UROC1: variants seen among roughly 807,000 people sequenced by gnomAD.
The protein encoded by UROC1 is urocanate hydratase.
Under a neutral mutation model 89.5 loss-of-function variants are expected in UROC1, and 79 were observed. The observed-to-expected ratio is 0.88, with a 90% CI of 0.74 to 1.06. UROC1 has a LOEUF of 1.06. Ranked by LOEUF, UROC1 falls within the 50% of genes least tolerant of loss-of-function variation. UROC1 has a pLI of 0.00. For synonymous variants in UROC1, 361 were observed against 354.8 expected, an observed-to-expected ratio of 1.02 and a Z score of -0.20; for missense variants, 885 against 907.8, an observed-to-expected ratio of 0.97 and a Z score of 0.32.
chr3:126,492,796 G>A (rs1935686140), intron 15 of UROC1, among the ~76,000 whole-genome samples: 1 of 152,142 alleles, frequency 6.6e-6, no homozygotes, highest in Admixed American at 6.5e-5. Flanking sequence ...ATTATCCCCA[G>A]AGGGGCCTTG....
At chr3:126,491,865 T>A (rs1432153842) in intron 16 of UROC1, among the ~76,000 whole-genome samples, 1 of 152,168 alleles carries the variant, frequency 6.6e-6, no homozygotes, top group Non-Finnish European at 1.5e-5. Flanking sequence ...ACACACATGC[T>A]TTTTAGTCTC....
Position 126,482,302 on chromosome 3 carries a change from C to T in UROC1, c.*43G>A, listed in dbSNP as rs200508602. 6.8e-6 allele frequency: 11 copies of T among 1,607,644 alleles called. No individual in the cohort carries two copies. Among genetic ancestry groups the T allele is most frequent in the East Asian group, 4.5e-5 (2 of 44,794 alleles). On this transcript the variant is annotated 3_prime_UTR_variant, in exon 20 of 20. Coordinates refer to ENST00000290868, the MANE Select transcript of UROC1 (RefSeq NM_144639.3). ...GTGCCATGGCTGGGCAGGTGAGGATCGCCAGGGAGGAAGGGAGGCAGGGGC... is the reference window on the plus strand; with the variant it reads ...GTGCCATGGCTGGGCAGGTGAGGATTGCCAGGGAGGAAGGGAGGCAGGGGC...
chr3:126,493,929 C>T (rs867463672), intron 15 of UROC1, among the ~76,000 whole-genome samples: 4 of 152,172 alleles, frequency 2.6e-5, no homozygotes, highest in African/African-American at 7.2e-5. Context: ...TGCACCTGAC[C>T]GCAAGCTCAG....
Position 126,489,439 on chromosome 3 carries a change from G to A in UROC1, c.1609-64C>T, listed in dbSNP as rs1330411398. ...CCACCATGGCTTCCTGGTAAAGACT[G>A]AGGACAAGGGGCAGGTCACACCAGA... On this transcript the variant is annotated intron_variant, in intron 16 of 19. Transcript: ENST00000290868. The A allele has an allele frequency of 3.0e-6, 4 of 1,352,998 alleles. No individual in the cohort carries two copies. The African/African-American group carries it at 4.3e-5, about 14-fold the overall frequency. 83.8% of individuals were successfully genotyped at this position (1,352,998 alleles called of 1,614,324 possible).
At chr3:126,517,210 C>T (rs1487935666) in intron 1 of UROC1, among the ~76,000 whole-genome samples, 3 of 152,160 alleles carry the variant, frequency 2.0e-5, no homozygotes, top group Non-Finnish European at 4.4e-5. Flanking sequence ...GCGGGAGGGA[C>T]ATTTGCAAAT....
rs1376449720 is a variant in UROC1 at position 126,498,125 on chromosome 3, G to A, written c.1364C>T (p.Ser455Leu). ...GACCGCCAGGTCCTGGGGGTCCCCC[G>A]ATGTGCACACCCAGCGGAAAGGCCC... ...GFGPFRWVCT[S>L]GDPQDLAVTD... is the part of the protein sequence containing the mutation. Residue 455 changes from serine (S) to leucine (L), a missense_variant, in exon 14 of 20, where the codon TCG becomes TTG. Physicochemically the swap from Ser to Leu is moderately radical, Grantham distance 145. Transcript: ENST00000290868. 11 of 1,614,156 alleles carry A rather than the reference G, an allele frequency of 6.8e-6. No individual in the cohort carries two copies. The highest frequency in any genetic ancestry group is 1.1e-5 in the South Asian group (1 of 91,086).
chr3:126,484,211 A>ATGAGTT (rs1560114159), intron 18 of UROC1, among the ~76,000 whole-genome samples: 1 of 152,284 alleles, frequency 6.6e-6, no homozygotes, highest in East Asian at 1.9e-4. Context: ...TTCCTAGTAG[A>ATGAGTT]TGAGTTGAAC....
chr3:126,498,093 C>G lies in UROC1; in HGVS notation c.1396G>C (p.Glu466Gln), dbSNP rs748062132. 5.0e-6 allele frequency: 8 copies of G among 1,614,030 alleles called. No individual in the cohort carries two copies. Among genetic ancestry groups the G allele is most frequent in the Non-Finnish European group, 6.8e-6 (8 of 1,180,038 alleles). The change falls in exon 14 of 20, where the codon GAA becomes CAA. Residue 466 changes from glutamate (E) to glutamine (Q), a missense_variant. Glu to Gln is a conservative substitution (Grantham distance 29). Coordinates refer to ENST00000290868, the MANE Select transcript of UROC1 (RefSeq NM_144639.3). ...GDPQDLAVTDELATSVLEEAI... is the reference protein window; with the variant it reads ...GDPQDLAVTDQLATSVLEEAI... Reference sequence around the variant, plus strand: ...TCCTCCAGCACAGATGTGGCCAGTTCGTCTGTGACCGCCAGGTCCTGGGGG... The same window carrying G: ...TCCTCCAGCACAGATGTGGCCAGTTGGTCTGTGACCGCCAGGTCCTGGGGG...
intron 4 of UROC1, 37 bp downstream of exon 4, chr3:126,508,379 G>T: frequency 6.2e-7 from 1 of 1,606,120 alleles, no homozygotes. Flanking sequence ...TAGAGGAAAG[G>T]CCAGGGGTGG....
At chr3:126,506,114 C>G in intron 6 of UROC1, 103 bp from the exon 7 acceptor site, 3 of 1,225,474 alleles carry the variant, frequency 2.4e-6, no homozygotes, top group Non-Finnish European at 3.6e-6. Context: ...TTTAACTACC[C>G]AATAGGCATT....
intron 18 of UROC1, among the ~76,000 whole-genome samples, chr3:126,485,434 G>A (rs1935492034): frequency 6.6e-6 from 1 of 151,746 alleles, no homozygotes; most frequent in African/African-American, 2.4e-5. Context: ...AGGCGTGTGG[G>A]TGGGTGGGGG....
intron 18 of UROC1, among the ~76,000 whole-genome samples, chr3:126,487,777 G>A (rs1383863697): frequency 6.6e-6 from 1 of 152,254 alleles, no homozygotes; most frequent in Non-Finnish European, 1.5e-5. Context: ...GCTGCCCTGG[G>A]AGCCTTGGCT....
chr3:126,515,680 CTTA>C (rs1936296325), intron 1 of UROC1, among the ~76,000 whole-genome samples: 1 of 13,550 alleles, frequency 7.4e-5, no homozygotes, highest in African/African-American at 4.7e-4. Flanking sequence ...GCACCCACCA[CTTA>C]CCCTCCCCCA....
Position 126,482,193 on chromosome 3 carries a change from TG to T in UROC1, c.*151del. On this transcript the variant is annotated 3_prime_UTR_variant, in exon 20 of 20. Coordinates refer to ENST00000290868, the MANE Select transcript of UROC1 (RefSeq NM_144639.3). ...GGGGGCTGTCTGTAAAATGAGGCTG[TG>T]GTGGCACCCTGCACAGGGCACCATA... The T allele has an allele frequency of 1.8e-6, 2 of 1,123,644 alleles. No individual in the cohort carries two copies. Among genetic ancestry groups the T allele is most frequent in the Non-Finnish European group, 2.6e-6 (2 of 783,402 alleles). The allele number at this position is 1,123,644 out of a possible 1,614,324, so 69.6% of individuals were successfully genotyped here.
intron 18 of UROC1, among the ~76,000 whole-genome samples, chr3:126,484,425 G>A (rs369068149): frequency 6.6e-4 from 100 of 152,352 alleles, no homozygotes; most frequent in African/African-American, 2.2e-3. Context: ...GCCTGTCGTT[G>A]TGTTGTTGCA....
In UROC1 at chr3:126,482,186, G is replaced by A. The variant is rs1325203335; in HGVS notation, c.*159C>T. 2.1e-5 allele frequency: 22 copies of A among 1,028,388 alleles called. No individual in the cohort carries two copies. Among genetic ancestry groups the A allele is most frequent in the Non-Finnish European group, 3.0e-5 (21 of 703,778 alleles). 63.7% of individuals were successfully genotyped at this position (1,028,388 alleles called of 1,614,324 possible). ...GGCCTCAGGGGGCTGTCTGTAAAAT[G>A]AGGCTGTGGTGGCACCCTGCACAGG... On this transcript the variant is annotated 3_prime_UTR_variant, in exon 20 of 20. Coordinates refer to ENST00000290868, the MANE Select transcript of UROC1 (RefSeq NM_144639.3).
chr3:126,499,560 G>T, intron 12 of UROC1, 151 bp from the exon 13 acceptor site: 3 of 814,830 alleles, frequency 3.7e-6, no homozygotes, highest in Non-Finnish European at 6.2e-6. Flanking sequence ...GGCAGCCGTG[G>T]CCAGCATGCT....
Position 126,492,086 on chromosome 3 carries a change from C to CG in UROC1, c.1608+331_1608+332insC, listed in dbSNP as rs397967412. Among the ~76,000 whole-genome samples the CG allele has an allele frequency of 2.0e-5, 3 of 152,100 alleles. No homozygotes were observed. The East Asian group carries it at 5.8e-4, about 30-fold the overall frequency. On this transcript the variant is annotated intron_variant, in intron 16 of 19. Transcript: ENST00000290868. The stretch of plus-strand genomic sequence containing the variant: ...ATTTCAAGCACTGCTCCTGCTCCCC[C>CG]AGGCCCTCCTTCCCACCACCCCCTC...
At chr3:126,482,746 G>C (rs183725253) in intron 19 of UROC1, among the ~76,000 whole-genome samples, 1 of 151,966 alleles carries the variant, frequency 6.6e-6, no homozygotes, top group Non-Finnish European at 1.5e-5. Context: ...TGAGTCCTCC[G>C]CAGCACCTCC....
Sources: allele counts gnomAD v4.1 joint callset (sites outside exome capture counted in the v4.1 genomes callset), GRCh38; gene constraint gnomAD v4.1.1; transcripts MANE v1.5; gene names NCBI Gene and HGNC (gene_info 2026-07-23, HGNC 2026-07-21).